PTPRC: variants seen among roughly 807,000 people sequenced by gnomAD.
The protein encoded by PTPRC is protein tyrosine phosphatase receptor type C, also known as receptor-type tyrosine-protein phosphatase C.
Under a neutral mutation model 155.9 loss-of-function variants are expected in PTPRC, and 44 were observed. The ratio of observed to expected loss-of-function variants is 0.28; its 90% CI spans 0.22 to 0.36. The LOEUF is 0.36. PTPRC is among the 10% of genes least tolerant of loss of function. The pLI, the probability that PTPRC is intolerant of heterozygous loss-of-function variation, is 1.00. For missense variants in PTPRC, 1,401 were observed against 1,564.6 expected (o/e 0.90, Z 1.76); for synonymous variants, 525 against 533.1 (o/e 0.98, Z 0.21).
In PTPRC at chr1:198,729,220, A is replaced by G. The variant is rs190387811; in HGVS notation, c.1864+49A>G. On this transcript the variant is annotated intron_variant, in intron 17 of 32. Coordinates refer to ENST00000442510, the MANE Select transcript of PTPRC (RefSeq NM_002838.5). The stretch of plus-strand genomic sequence containing the variant: ...TGACTATTCCTTCCCCTGCATTTGA[A>G]TCCATTCATTTTATTTATTTATTTA... 4.0e-3 allele frequency: 6,228 copies of G among 1,545,366 alleles called. 17 individuals carry two copies. The highest frequency in any genetic ancestry group is 4.7e-3 in the Non-Finnish European group (5,359 of 1,140,754).
chr1:198,716,616 T>G lies in PTPRC; in HGVS notation c.1292-66T>G, dbSNP rs1653597319. On this transcript the variant is annotated intron_variant, in intron 12 of 32. Coordinates refer to ENST00000442510, the MANE Select transcript of PTPRC (RefSeq NM_002838.5). ...GGAACAATGTGATGTAGAGACCAAA[T>G]TAATTAGGTACGTGGTAGTACTGAC... 4.2e-6 allele frequency: 6 copies of G among 1,422,766 alleles called. No homozygotes were observed. The South Asian group carries it at 5.8e-5, about 14-fold the overall frequency. 88.1% of individuals were successfully genotyped at this position (1,422,766 alleles called of 1,614,324 possible). A position where few individuals can be genotyped will look rare whatever the true frequency, so the allele number is the denominator to read the frequency against.
At chr1:198,713,798 A>T (rs1208691222) in intron 12 of PTPRC, among the ~76,000 whole-genome samples, 1 of 152,184 alleles carries the variant, frequency 6.6e-6, no homozygotes, top group Non-Finnish European at 1.5e-5. Context: ...TCCATAGGTT[A>T]AAATAGGAAT....
chr1:198,662,109 A>C (rs1024588486), intron 2 of PTPRC, among the ~76,000 whole-genome samples: 13 of 152,108 alleles, frequency 8.5e-5, no homozygotes, highest in Admixed American at 1.3e-4. Context: ...AGTCAACCTA[A>C]CCAGATTTAG....
chr1:198,689,705 G>A (rs1461695073), intron 2 of PTPRC, among the ~76,000 whole-genome samples: 1 of 152,090 alleles, frequency 6.6e-6, no homozygotes, highest in Non-Finnish European at 1.5e-5. Flanking sequence ...ACTTACTCAT[G>A]CTTAAAAGAA....
intron 3 of PTPRC, chr1:198,693,040 G>A (rs139640117): frequency 1.7e-5 from 17 of 972,666 alleles, no homozygotes; most frequent in Non-Finnish European, 2.1e-5. Context: ...GTATTTTCCT[G>A]CATAATCATA....
At chr1:198,697,515 T>C (rs1666260804) in intron 4 of PTPRC, among the ~76,000 whole-genome samples, 1 of 152,306 alleles carries the variant, frequency 6.6e-6, no homozygotes, top group East Asian at 1.9e-4. Context: ...AAAAATCAGA[T>C]TGATGCAAGA....
intron 2 of PTPRC, among the ~76,000 whole-genome samples, chr1:198,644,583 T>C (rs570221472): frequency 6.6e-5 from 10 of 151,980 alleles, no homozygotes; most frequent in Non-Finnish European, 1.5e-4. Context: ...ATGACTACTA[T>C]AAGCAGAGAA....
Position 198,755,778 on chromosome 1 carries a change from T to G in PTPRC, c.3646-128T>G, listed in dbSNP as rs558931823. 1.1e-4 allele frequency: 113 copies of G among 1,028,084 alleles called. No individual in the cohort carries two copies. The South Asian group carries it at 1.5e-3, about 14-fold the overall frequency. The allele number at this position is 1,028,084 out of a possible 1,614,324, so 63.7% of individuals were successfully genotyped here. On this transcript the variant is annotated intron_variant, in intron 32 of 32. Transcript: ENST00000442510. ...ATTTAGATGTTTTTATGAGAACATA[T>G]CAAAAAGTACTTTTCTGTCATCCAA...
intron 23 of PTPRC, among the ~76,000 whole-genome samples, chr1:198,736,837 C>T (rs1207202610): frequency 6.6e-6 from 1 of 151,678 alleles, no homozygotes; most frequent in Non-Finnish European, 1.5e-5. Context: ...TCCTTCACAT[C>T]CTTGCAAGCA....
chr1:198,648,518 T>C (rs1004319002), intron 2 of PTPRC, among the ~76,000 whole-genome samples: 3 of 151,792 alleles, frequency 2.0e-5, no homozygotes, highest in Non-Finnish European at 4.4e-5. Flanking sequence ...TGTGTGATGA[T>C]GGGCAAATCA....
chr1:198,699,494 T>C (rs1236285833), intron 4 of PTPRC, 70 bp from the exon 5 acceptor site: 1 of 1,575,122 alleles, frequency 6.3e-7, no homozygotes, highest in Non-Finnish European at 8.7e-7. Flanking sequence ...TTGCTCCTTA[T>C]AACCTCTTAG....
intron 3 of PTPRC, 145 bp from the exon 4 acceptor site, chr1:198,696,567 T>C (rs1666213378): frequency 2.7e-6 from 2 of 732,006 alleles, no homozygotes; most frequent in Non-Finnish European, 2.5e-6. Flanking sequence ...CATACACTTA[T>C]GTATGGTGTG....
chr1:198,709,304 T>A (rs1653162076), intron 10 of PTPRC, among the ~76,000 whole-genome samples: 1 of 152,106 alleles, frequency 6.6e-6, no homozygotes, highest in African/African-American at 2.4e-5. Flanking sequence ...CAGAATTTAG[T>A]CAGCATCCCC....
chr1:198,702,890 C>T (rs1666532394), intron 6 of PTPRC, among the ~76,000 whole-genome samples: 1 of 152,138 alleles, frequency 6.6e-6, no homozygotes, highest in African/African-American at 2.4e-5. Context: ...GACATAATAA[C>T]ACTCCTTTTT....
Position 198,686,417 on chromosome 1 carries a change from G to A in PTPRC, c.74-5930G>A, listed in dbSNP as rs531414607. Among the ~76,000 whole-genome samples, 78 of 152,240 alleles carry A rather than the reference G, an allele frequency of 5.1e-4. No homozygotes were observed. The Middle Eastern group carries it at 0.017, about 33-fold the overall frequency. On this transcript the variant is annotated intron_variant, in intron 2 of 32. Coordinates refer to ENST00000442510, the MANE Select transcript of PTPRC (RefSeq NM_002838.5). Reference sequence around the variant, plus strand: ...AAAAATGTAGAAAATTTCATCCCTAGAAGATAAAAGTCAAAGTGTAGAATG... The same window carrying A: ...AAAAATGTAGAAAATTTCATCCCTAAAAGATAAAAGTCAAAGTGTAGAATG...
chr1:198,679,028 A>G, intron 2 of PTPRC: 2 of 187,432 alleles, frequency 1.1e-5, no homozygotes, highest in Non-Finnish European at 2.2e-5. Context: ...CAGGTCTTGC[A>G]TGTGCAAAGG....
chr1:198,669,413 G>C lies in PTPRC; in HGVS notation c.74-22934G>C, dbSNP rs76317261. 9.1e-3 allele frequency among the ~76,000 whole-genome samples: 1,383 copies of C among 152,004 alleles called. 21 individuals carry two copies. Among genetic ancestry groups the C allele is most frequent in the African/African-American group, 0.031 (1,272 of 41,450 alleles). ...TCTGGCCTCCTTTCATGTACTGTGT[G>C]GTCCACCATACTACCTAATCTGCTA... On this transcript the variant is annotated intron_variant, in intron 2 of 32. Coordinates refer to ENST00000442510, the MANE Select transcript of PTPRC (RefSeq NM_002838.5).
intron 32 of PTPRC, 169 bp downstream of exon 32, chr1:198,754,573 G>GATA: frequency 1.3e-6 from 1 of 781,626 alleles, no homozygotes; most frequent in Non-Finnish European, 2.0e-6. Flanking sequence ...ACTTTTACAT[G>GATA]ATAATTCACA....
intron 30 of PTPRC, 87 bp downstream of exon 30, chr1:198,752,458 C>G (rs928266359): frequency 2.0e-5 from 31 of 1,551,254 alleles, no homozygotes; most frequent in Non-Finnish European, 2.8e-5. Context: ...CAGGCAAGGC[C>G]ATCATATAAA....
Sources: gnomAD v4.1 joint callset for allele counts (sites outside exome capture counted in the v4.1 genomes callset) on GRCh38, gnomAD v4.1.1 for gene constraint, MANE v1.5 for transcripts, NCBI Gene and HGNC (gene_info 2026-07-23, HGNC 2026-07-21) for gene names.